Variants in KMT2C observed in about 807,000 individuals in gnomAD.
KMT2C encodes the protein lysine methyltransferase 2C.
A neutral mutation model predicts 507.9 loss-of-function variants in KMT2C; 88 were observed. That is an observed-to-expected ratio of 0.17 (90% CI 0.15 to 0.21). The LOEUF is 0.21. Ranked by LOEUF, KMT2C falls within the 10% of genes least tolerant of loss-of-function variation. The pLI, the probability that KMT2C is intolerant of heterozygous loss-of-function variation, is 1.00. For synonymous variants in KMT2C, 2,049 were observed against 2,080.8 expected (o/e 0.98, Z 0.42); for missense variants, 4,954 against 5,957.8 (o/e 0.83, Z 5.55).
chr7:152,356,912 T>G (rs1415369011), intron 2 of KMT2C, among the ~76,000 whole-genome samples: 3 of 143,172 alleles, frequency 2.1e-5, no homozygotes, highest in African/African-American at 5.3e-5. Context: ...ATAATAATAA[T>G]AATAATAATA....
chr7:152,211,905 G>A (rs368436561), intron 23 of KMT2C, among the ~76,000 whole-genome samples: 16 of 152,172 alleles, frequency 1.1e-4, no homozygotes, highest in East Asian at 3.9e-4. Flanking sequence ...AAAATTAGCC[G>A]GGCGTGGTGG....
At chr7:152,255,333 A>AT (rs1312337460) in intron 9 of KMT2C, among the ~76,000 whole-genome samples, 5 of 151,076 alleles carry the variant, frequency 3.3e-5, no homozygotes, top group South Asian at 4.2e-4. Context: ...CACCTGGCTA[A>AT]TTTTTTTGTA....
In KMT2C at chr7:152,181,617, A is replaced by C. The variant is rs375953861; in HGVS notation, c.6243T>G (p.Pro2081=). Residue 2081 remains proline, a synonymous_variant, in exon 36 of 59, where the codon CCT becomes CCG. Coordinates refer to ENST00000262189, the MANE Select transcript of KMT2C (RefSeq NM_170606.3). ...PYERPALTPR[P]IDNFSHNQSN... is the part of the protein sequence containing the mutation. ...ACTGATTATGAGAAAAATTATCTAT[A>C]GGTCTTGGTGTCAAAGCAGGCCTTT... is the stretch of plus-strand genomic sequence containing the variant. The C allele has an allele frequency of 3.0e-5, 48 of 1,614,000 alleles. No homozygotes were observed. The highest frequency in any genetic ancestry group is 3.6e-5 in the Non-Finnish European group (43 of 1,180,026).
At chr7:152,268,399 TACAGCACA>T (rs771114547) in intron 7 of KMT2C, among the ~76,000 whole-genome samples, 11 of 152,212 alleles carry the variant, frequency 7.2e-5, no homozygotes, top group Non-Finnish European at 1.2e-4. Context: ...ATCAATTAAT[TACAGCACA>T]ACTCTGTGAA....
At chr7:152,385,334 C>T (rs2097414962) in intron 1 of KMT2C, among the ~76,000 whole-genome samples, 1 of 142,710 alleles carries the variant, frequency 7.0e-6, no homozygotes, top group African/African-American at 3.0e-5. Context: ...ACGTGTTGGC[C>T]GGGCGCGGTG....
chr7:152,282,201 G>T (rs945391382), intron 6 of KMT2C, among the ~76,000 whole-genome samples: 1 of 151,616 alleles, frequency 6.6e-6, no homozygotes, highest in Non-Finnish European at 1.5e-5. Context: ...AGAGACTGAG[G>T]CAGGAGAATC....
intron 9 of KMT2C, among the ~76,000 whole-genome samples, chr7:152,255,443 G>A (rs1198808460): frequency 6.6e-6 from 1 of 151,938 alleles, no homozygotes; most frequent in Non-Finnish European, 1.5e-5. Flanking sequence ...TGGGATTACA[G>A]GTGTGAGCCA....
chr7:152,267,006 G>A (rs1317831980), intron 7 of KMT2C, among the ~76,000 whole-genome samples: 2 of 152,110 alleles, frequency 1.3e-5, no homozygotes, highest in African/African-American at 2.4e-5. Context: ...ACATTAAAAC[G>A]CCCCTTTCCT....
In KMT2C at chr7:152,222,563, A is replaced by G. The variant is rs774620130; in HGVS notation, c.3433+10T>C. ...AGAGTGCAGACTCACAGTTTAAATT[A>G]TTCTCTTACCATTAGACGCAGGCAT... On this transcript the variant is annotated intron_variant, in intron 21 of 58. Coordinates refer to ENST00000262189, the MANE Select transcript of KMT2C (RefSeq NM_170606.3). The G allele has an allele frequency of 4.7e-5, 68 of 1,455,628 alleles. No homozygotes were observed. The highest frequency in any genetic ancestry group is 3.7e-4 in the Admixed American group (22 of 59,370). 90.2% of individuals were successfully genotyped at this position (1,455,628 alleles called of 1,614,324 possible).
intron 9 of KMT2C, among the ~76,000 whole-genome samples, chr7:152,262,319 T>C (rs2095794536): frequency 6.6e-6 from 1 of 152,134 alleles, no homozygotes; most frequent in Admixed American, 6.5e-5. Context: ...TCCAGGCCCA[T>C]GCAGCACCTG....
chr7:152,181,516 G>A lies in KMT2C; in HGVS notation c.6344C>T (p.Ala2115Val). ...TGATATGGTTCCAGGCTGGGAAAAA[G>A]CCCTTGAAGGATGGGCAAAAGATTC... ...VNESFAHPSR[A>V]FSQPGTISRP... Residue 2115 changes from alanine to valine, a missense_variant, in exon 36 of 59, where the codon GCT (alanine) becomes GTT (valine). Physicochemically the swap from Ala to Val is moderately conservative, Grantham distance 64. Around this residue, in one of 29 missense-constraint regions of KMT2C, gnomAD observed 1,689 missense variants for 1,654.3 expected, o/e 1.02. Transcript: ENST00000262189. 1 of 1,614,076 alleles carries A rather than the reference G, an allele frequency of 6.2e-7. No homozygotes were observed. The highest frequency in any genetic ancestry group is 1.3e-5 in the African/African-American group (1 of 75,032).
Position 152,177,453 on chromosome 7 carries a change from G to A in KMT2C, c.8000C>T (p.Pro2667Leu), listed in dbSNP as rs753762683. The part of the protein sequence containing the change: ...FSEAPLSTSV[P>L]SETTSDNLQI... Reference sequence around the variant, plus strand: ...TAAATTATCAGACGTTGTTTCAGACGGTACAGATGTTGACAAAGGAGCTTC... The same window carrying A: ...TAAATTATCAGACGTTGTTTCAGACAGTACAGATGTTGACAAAGGAGCTTC... Residue 2667 changes from proline to leucine, a missense_variant, in exon 38 of 59, where the codon CCG (proline) becomes CTG (leucine). Pro to Leu is a moderately conservative substitution (Grantham distance 98). Coordinates refer to ENST00000262189, the MANE Select transcript of KMT2C (RefSeq NM_170606.3). 17 of 1,613,992 alleles carry A rather than the reference G, an allele frequency of 1.1e-5. No homozygotes were observed. The highest frequency in any genetic ancestry group is 6.6e-5 in the South Asian group (6 of 91,088).
At chr7:152,196,259 T>C (rs1219954398) in intron 27 of KMT2C, among the ~76,000 whole-genome samples, 1 of 152,106 alleles carries the variant, frequency 6.6e-6, no homozygotes, top group Non-Finnish European at 1.5e-5. Flanking sequence ...TAAAGACCTG[T>C]AGGCAATAAA....
At chr7:152,435,459 G>T (rs1043680362) in intron 1 of KMT2C, among the ~76,000 whole-genome samples, 167 bp downstream of exon 1, 1 of 146,042 alleles carries the variant, frequency 6.8e-6, no homozygotes, top group East Asian at 2.0e-4. Context: ...GGCGGCTACC[G>T]AGGGGCGCGG....
chr7:152,150,797 A>T, intron 51 of KMT2C, 103 bp downstream of exon 51: 1 of 788,084 alleles, frequency 1.3e-6, no homozygotes, highest in Non-Finnish European at 2.1e-6. Context: ...CCCCACACAG[A>T]GCTCCATGAA....
chr7:152,238,893 C>T (rs2095332852), intron 14 of KMT2C, 67 bp from the exon 15 acceptor site: 2 of 1,447,316 alleles, frequency 1.4e-6, no homozygotes, highest in African/African-American at 1.5e-5. Flanking sequence ...AAGCCAGCAA[C>T]TAAGGAATTT....
chr7:152,292,062 T>C (rs534396589), intron 6 of KMT2C, among the ~76,000 whole-genome samples: 2 of 152,312 alleles, frequency 1.3e-5, no homozygotes, highest in African/African-American at 4.8e-5. Context: ...CCTTTTAGTT[T>C]TATTCCTGTT....
intron 14 of KMT2C, among the ~76,000 whole-genome samples, chr7:152,241,340 A>C (rs754569479): frequency 6.6e-6 from 1 of 152,234 alleles, no homozygotes; most frequent in Admixed American, 6.5e-5. Context: ...AGCTGGGATT[A>C]CAGGCATGCG....
At chr7:152,198,075 C>T (rs920654692) in intron 27 of KMT2C, among the ~76,000 whole-genome samples, 3 of 152,116 alleles carry the variant, frequency 2.0e-5, no homozygotes, top group Admixed American at 6.6e-5. Flanking sequence ...TAAACTTTAT[C>T]GTAAAATATC....
Sources: gnomAD v4.1 joint callset for allele counts (sites outside exome capture counted in the v4.1 genomes callset) on GRCh38, gnomAD v4.1.1 for gene constraint, gnomAD v4.1.1 regional missense constraint, MANE v1.5 for transcripts, NCBI Gene and HGNC (gene_info 2026-07-23, HGNC 2026-07-21) for gene names.